The following RIPOR2 variants were observed in gnomAD, a reference collection of about 807,000 sequenced individuals.
RIPOR2 encodes RHO family interacting cell polarization regulator 2, also known as rho family-interacting cell polarization regulator 2.
In RIPOR2, 39 loss-of-function variants were observed where a neutral mutation model predicts 114.5. The ratio of observed to expected loss-of-function variants is 0.34; its 90% confidence interval spans 0.26 to 0.44. The LOEUF (loss-of-function observed/expected upper bound fraction) is 0.44. Ranked by LOEUF, RIPOR2 falls within the 20% of genes least tolerant of loss-of-function variation. The probability of loss-of-function intolerance (pLI) is 1.00; values close to 1 mark genes in which losing one functional copy is unlikely to be tolerated. For synonymous variants in RIPOR2, 445 were observed against 484.4 expected (o/e 0.92, Z 1.07); for missense variants, 1,007 against 1,255.1 (o/e 0.80, Z 2.99).
rs1435875511 is a variant in RIPOR2, at chr6:24,941,036, G to A, written c.77-65219C>T. The stretch of plus-strand genomic sequence containing the variant: ...TCATGGGTACAATCTCATGAGGGTT[G>A]TCTCATGAGGAAAACCCTCCCAGAG... On this transcript the variant is annotated intron_variant, in intron 1 of 13. Coordinates refer to the RIPOR2 transcript ENST00000510784. 3.3e-5 allele frequency among the ~76,000 whole-genome samples: 5 copies of A among 152,114 alleles called. No individual in the cohort carries two copies. The East Asian group carries it at 9.6e-4, about 29-fold the overall frequency.
chr6:25,023,160 T>A, intron 1 of RIPOR2: 1 of 577,790 alleles, frequency 1.7e-6, no homozygotes. Flanking sequence ...GAAGAACAAG[T>A]CACAATTACA....
intron 1 of RIPOR2, among the ~76,000 whole-genome samples, chr6:24,941,590 T>G (rs1772136600): frequency 6.6e-6 from 1 of 152,208 alleles, no homozygotes; most frequent in African/African-American, 2.4e-5. Flanking sequence ...ATTAATACAT[T>G]GTGCTATCAA....
At chr6:25,005,696 T>TAG (rs1254461417) in intron 1 of RIPOR2, among the ~76,000 whole-genome samples, 158 of 10,808 alleles carry the variant, frequency 0.015, 5 homozygotes, top group East Asian at 0.072. Flanking sequence ...CCTATGGAGA[T>TAG]ATATATATAT....
chr6:24,837,195 T>C (rs1185754445), intron 14 of RIPOR2, among the ~76,000 whole-genome samples: 1 of 152,296 alleles, frequency 6.6e-6, no homozygotes, highest in African/African-American at 2.4e-5. Flanking sequence ...CGATCTCAAC[T>C]CACTGCAACC....
chr6:24,911,796 A>G (rs1174778235), intron 1 of RIPOR2, among the ~76,000 whole-genome samples: 2 of 152,146 alleles, frequency 1.3e-5, no homozygotes, highest in East Asian at 1.9e-4. Flanking sequence ...CCATCCTTAC[A>G]TAGGGATTCC....
intron 1 of RIPOR2, among the ~76,000 whole-genome samples, chr6:24,902,261 C>T (rs1193787766): frequency 6.6e-6 from 1 of 151,158 alleles, no homozygotes; most frequent in African/African-American, 2.4e-5. Context: ...GTTGCCCAGG[C>T]TGGAGTACAG....
chr6:24,898,790 T>C (rs964907071), intron 1 of RIPOR2, among the ~76,000 whole-genome samples: 1 of 152,184 alleles, frequency 6.6e-6, no homozygotes, highest in African/African-American at 2.4e-5. Context: ...ACTTCCTTTG[T>C]TCCCCTTTCT....
Position 24,898,033 on chromosome 6 carries a change from AGAAG to A in RIPOR2, c.62-22220_62-22217del, listed in dbSNP as rs374743789. ...AGCCAGACCCTGAAGAAAGAAAGAA[AGAAG>A]GAAGGAAGGAAGGAAGGAAAGAAGG... On this transcript the variant is annotated intron_variant, in intron 1 of 21. Coordinates refer to ENST00000643898, the MANE Select transcript of RIPOR2 (RefSeq NM_001286445.3). 1.3e-3 allele frequency among the ~76,000 whole-genome samples: 191 copies of A among 151,792 alleles called. 1 individual carries two copies. The highest frequency in any genetic ancestry group is 0.012 in the South Asian group (57 of 4,806).
chr6:24,924,197 G>A (rs1348696322), intron 1 of RIPOR2, among the ~76,000 whole-genome samples: 1 of 152,172 alleles, frequency 6.6e-6, no homozygotes, highest in African/African-American at 2.4e-5. Context: ...CCAATTTGTG[G>A]TTTCTTTGGG....
intron 1 of RIPOR2, among the ~76,000 whole-genome samples, chr6:24,956,245 C>G (rs1231359104): frequency 6.6e-6 from 1 of 152,150 alleles, no homozygotes; most frequent in African/African-American, 2.4e-5. Context: ...TCCGCACATG[C>G]TATCTCATAA....
chr6:24,881,616 C>G (rs1766361153), intron 1 of RIPOR2, among the ~76,000 whole-genome samples: 1 of 152,230 alleles, frequency 6.6e-6, no homozygotes, highest in Non-Finnish European at 1.5e-5. Context: ...ACTGCCTTTT[C>G]TCTGACTATG....
Position 24,843,154 on chromosome 6 carries a change from T to C in RIPOR2, c.1565A>G (p.Gln522Arg), listed in dbSNP as rs1761896245. 3 of 1,613,994 alleles carry C rather than the reference T, an allele frequency of 1.9e-6. No homozygotes were observed. Among genetic ancestry groups the C allele is most frequent in the Non-Finnish European group, 2.5e-6 (3 of 1,179,868 alleles). ...LENDVAEALL[Q>R]ESEEASELKP... ...GAGCTCAGAGGCCTCCTCAGACTCTTGCAGAAGTGCTTCTGCAACATCATT... is the reference window on the plus strand; with the variant it reads ...GAGCTCAGAGGCCTCCTCAGACTCTCGCAGAAGTGCTTCTGCAACATCATT... The change falls in exon 13 of 22, where the codon CAA becomes CGA. Residue 522 changes from glutamine (Q) to arginine (R), a missense_variant. Physicochemically the swap from Gln to Arg is conservative, Grantham distance 43. Coordinates refer to ENST00000643898, the MANE Select transcript of RIPOR2 (RefSeq NM_001286445.3).
intron 1 of RIPOR2, among the ~76,000 whole-genome samples, chr6:24,952,913 T>C (rs1772847970): frequency 6.6e-6 from 1 of 152,252 alleles, no homozygotes; most frequent in Admixed American, 6.5e-5. Context: ...GGGAAAGTGC[T>C]GGGCATAGAA....
chr6:24,921,697 G>A (rs1015466581), intron 1 of RIPOR2, among the ~76,000 whole-genome samples: 3 of 144,396 alleles, frequency 2.1e-5, no homozygotes, highest in Non-Finnish European at 3.0e-5. Flanking sequence ...CTTGTCTATT[G>A]TCTGCCTCGC....
At chr6:24,861,312 G>T (rs1764048768) in intron 7 of RIPOR2, among the ~76,000 whole-genome samples, 1 of 152,174 alleles carries the variant, frequency 6.6e-6, no homozygotes, top group Non-Finnish European at 1.5e-5. Context: ...ATAGGAATTA[G>T]CATGAATTCT....
intron 1 of RIPOR2, among the ~76,000 whole-genome samples, chr6:24,929,643 A>G (rs1166998785): frequency 6.6e-6 from 1 of 152,200 alleles, no homozygotes; most frequent in African/African-American, 2.4e-5. Flanking sequence ...CTCTTTTAAA[A>G]TATCTTCCAA....
At chr6:24,989,759 C>T (rs948881397) in intron 1 of RIPOR2, among the ~76,000 whole-genome samples, 1 of 151,932 alleles carries the variant, frequency 6.6e-6, no homozygotes, top group Non-Finnish European at 1.5e-5. Flanking sequence ...ATATTTAATA[C>T]CCTGGCTGGG....
In RIPOR2 at chr6:24,840,133, C is replaced by T. The variant is rs566891250; in HGVS notation, c.1858-861G>A. On this transcript the variant is annotated intron_variant, in intron 13 of 21. Transcript: ENST00000643898. ...CCAGGCTAATTTTTTTCTTTTATTG[C>T]AGAGACAGGGTCTCCCTATGTTGAC... 25 of 767,262 alleles carry T rather than the reference C, an allele frequency of 3.3e-5. No homozygotes were observed. The African/African-American group carries it at 4.0e-4, about 12-fold the overall frequency. The allele number at this position is 767,262 out of a possible 1,614,324, so 47.5% of individuals were successfully genotyped here.
chr6:24,950,971 G>A (rs647297), intron 1 of RIPOR2, among the ~76,000 whole-genome samples: 114,692 of 152,176 alleles, frequency 0.75, 43,677 homozygotes, highest in East Asian at 0.87. Context: ...GCTAGACTGC[G>A]ACATCCTAGA....
Sources: gnomAD v4.1 joint callset for allele counts (sites outside exome capture counted in the v4.1 genomes callset) on GRCh38, gnomAD v4.1.1 for gene constraint, MANE v1.5 for transcripts, NCBI Gene and HGNC (gene_info 2026-07-23, HGNC 2026-07-21) for gene names.